MZT1: variants seen among roughly 807,000 people sequenced by gnomAD.
The protein encoded by MZT1 is mitotic-spindle organizing protein 1.
A neutral mutation model predicts 8.5 loss-of-function variants in MZT1; 8 were observed. The ratio of observed to expected loss-of-function variants is 0.94; its 90% CI spans 0.55 to 1.70. MZT1 has a LOEUF of 1.70. MZT1 is among the 40% of genes most tolerant of loss of function. The pLI is 0.00. For missense variants in MZT1, 93 were observed against 108.6 expected, an observed-to-expected ratio of 0.86 and a Z score of 0.64; for synonymous variants, 38 against 42.0, an observed-to-expected ratio of 0.90 and a Z score of 0.37.
rs1161896938 is a variant in MZT1 at position 72,710,136 on chromosome 13, T to A, written c.*186A>T. 1 of 602,452 alleles carries A rather than the reference T, an allele frequency of 1.7e-6. No individual in the cohort carries two copies. The highest frequency in any genetic ancestry group is 3.2e-5 in the Admixed American group (1 of 31,552). The allele number at this position is 602,452 out of a possible 1,614,324, so 37.3% of individuals were successfully genotyped here. On this transcript the variant is annotated 3_prime_UTR_variant, in exon 3 of 3. Coordinates refer to ENST00000377818, the MANE Select transcript of MZT1 (RefSeq NM_001071775.3). ...GTGAATAAGATGTGATGTAAACACA[T>A]CTGATAGTTCTCTCTGTAAGCCACT...
intron 1 of MZT1, among the ~76,000 whole-genome samples, chr13:72,726,744 G>GAAAAA (rs35019188): frequency 1.5e-5 from 2 of 132,136 alleles, no homozygotes; most frequent in Non-Finnish European, 3.1e-5. Flanking sequence ...TTATTTTACA[G>GAAAAA]AAAAAAAAAA....
chr13:72,716,500 T>C (rs2032536488), intron 2 of MZT1, among the ~76,000 whole-genome samples: 1 of 152,160 alleles, frequency 6.6e-6, no homozygotes, highest in Admixed American at 6.5e-5. Flanking sequence ...GAAAATAATC[T>C]GAAAGATATG....
chr13:72,714,157 T>C (rs769066211), intron 2 of MZT1, among the ~76,000 whole-genome samples: 1 of 152,104 alleles, frequency 6.6e-6, no homozygotes, highest in Non-Finnish European at 1.5e-5. Context: ...CATGTTATGC[T>C]TTAGCAAAAA....
chr13:72,710,221 A>G lies in MZT1; in HGVS notation c.*101T>C. On this transcript the variant is annotated 3_prime_UTR_variant, in exon 3 of 3. Transcript: ENST00000377818. ...CTTTTAAAAAGTAAAATTTTTCTAC[A>G]CTGCTGCATGCAGTAATTTCATTGT... The G allele has an allele frequency of 8.1e-7, 1 of 1,238,166 alleles. No individual in the cohort carries two copies. The highest frequency in any genetic ancestry group is 1.3e-5 in the South Asian group (1 of 76,454). 76.7% of individuals were successfully genotyped at this position (1,238,166 alleles called of 1,614,324 possible).
chr13:72,716,474 G>A (rs1485083204), intron 2 of MZT1, among the ~76,000 whole-genome samples: 19 of 152,086 alleles, frequency 1.2e-4, no homozygotes, highest in Admixed American at 1.0e-3. Context: ...CAAACCTAAA[G>A]AATAAGAACT....
chr13:72,708,478 T>C lies in MZT1; in HGVS notation c.*1844A>G, dbSNP rs1384577910. ...ACTTAAGTATGCATTAAAAATATGT[T>C]TACATTTTAAAAATGTGACACTTTA... On this transcript the variant is annotated 3_prime_UTR_variant, in exon 3 of 3. Coordinates refer to ENST00000377818, the MANE Select transcript of MZT1 (RefSeq NM_001071775.3). 6.6e-6 allele frequency: 1 copy of C among 152,626 alleles called. No homozygotes were observed. The highest frequency in any genetic ancestry group is 2.4e-5 in the African/African-American group (1 of 41,460). 9.5% of individuals were successfully genotyped at this position (152,626 alleles called of 1,614,324 possible).
chr13:72,708,427 T>C lies in MZT1; in HGVS notation c.*1895A>G, dbSNP rs1308958791. The C allele has an allele frequency of 1.3e-5, 2 of 152,642 alleles. No homozygotes were observed. The highest frequency in any genetic ancestry group is 1.9e-4 in the East Asian group (1 of 5,202). The allele number at this position is 152,642 out of a possible 1,614,324, so 9.5% of individuals were successfully genotyped here. A position where few individuals can be genotyped will look rare whatever the true frequency, so the allele number is the denominator to read the frequency against. On this transcript the variant is annotated 3_prime_UTR_variant, in exon 3 of 3. Coordinates refer to ENST00000377818, the MANE Select transcript of MZT1 (RefSeq NM_001071775.3). ...CAAGCACAACACTGCAATTGTATCA[T>C]TATTTTGTTTAGTTTCTTAAATATT...
chr13:72,720,402 C>G (rs1305731091), intron 1 of MZT1, among the ~76,000 whole-genome samples: 1 of 152,130 alleles, frequency 6.6e-6, no homozygotes. Context: ...ATTCTAAAAA[C>G]AAATTCCAAC....
intron 2 of MZT1, among the ~76,000 whole-genome samples, chr13:72,714,232 G>A (rs1330919911): frequency 6.6e-6 from 1 of 152,196 alleles, no homozygotes; most frequent in Non-Finnish European, 1.5e-5. Context: ...GTGATTTAGG[G>A]TATCTGGTGG....
chr13:72,720,375 C>T (rs1044540878), intron 1 of MZT1, among the ~76,000 whole-genome samples: 8 of 152,172 alleles, frequency 5.3e-5, no homozygotes, highest in Admixed American at 2.6e-4. Context: ...TTCGGATGAA[C>T]TGAACATTTT....
At chr13:72,717,429 T>C (rs1346427543) in intron 2 of MZT1, among the ~76,000 whole-genome samples, 2 of 150,914 alleles carry the variant, frequency 1.3e-5, no homozygotes, top group Non-Finnish European at 2.9e-5. Flanking sequence ...AACCTCTGCC[T>C]CCTGGGTTCA....
intron 1 of MZT1, among the ~76,000 whole-genome samples, chr13:72,722,192 C>A (rs1022950406): frequency 6.6e-6 from 1 of 152,200 alleles, no homozygotes; most frequent in African/African-American, 2.4e-5. Context: ...TAGAGCCAGA[C>A]TACCTGTGTT....
At chr13:72,713,263 T>C (rs1383406303) in intron 2 of MZT1, among the ~76,000 whole-genome samples, 1 of 152,212 alleles carries the variant, frequency 6.6e-6, no homozygotes, top group Non-Finnish European at 1.5e-5. Context: ...ATAGGATAAG[T>C]ATCCCTTGTC....
At chr13:72,718,580 C>T (rs1239186401) in intron 2 of MZT1, among the ~76,000 whole-genome samples, 1 of 152,078 alleles carries the variant, frequency 6.6e-6, no homozygotes, top group East Asian at 1.9e-4. Flanking sequence ...TGGGTTCACG[C>T]CATTCTCCTG....
Position 72,710,193 on chromosome 13 carries a change from A to T in MZT1, c.*129T>A. ...TGATTTATAAAGCTATGGTTTTATA[A>T]TTCTTTTAAAAAGTAAAATTTTTCT... On this transcript the variant is annotated 3_prime_UTR_variant, in exon 3 of 3. Coordinates refer to ENST00000377818, the MANE Select transcript of MZT1 (RefSeq NM_001071775.3). 1.2e-6 allele frequency: 1 copy of T among 842,924 alleles called. No individual in the cohort carries two copies. The allele number at this position is 842,924 out of a possible 1,614,324, so 52.2% of individuals were successfully genotyped here. A position where few individuals can be genotyped will look rare whatever the true frequency, so the allele number is the denominator to read the frequency against.
intron 1 of MZT1, among the ~76,000 whole-genome samples, chr13:72,720,095 G>C (rs2138014647): frequency 6.6e-6 from 1 of 152,230 alleles, no homozygotes; most frequent in East Asian, 1.9e-4. Flanking sequence ...CCCCCCATAA[G>C]TATTTATCTC....
intron 2 of MZT1, among the ~76,000 whole-genome samples, chr13:72,713,654 C>T (rs1180374486): frequency 6.6e-6 from 1 of 152,192 alleles, no homozygotes; most frequent in Non-Finnish European, 1.5e-5. Flanking sequence ...TTTTGATCCA[C>T]AGCTGGTTGA....
chr13:72,722,176 G>A (rs2032598650), intron 1 of MZT1, among the ~76,000 whole-genome samples: 1 of 152,182 alleles, frequency 6.6e-6, no homozygotes, highest in Non-Finnish European at 1.5e-5. Flanking sequence ...TTAGGAGTGT[G>A]ATCTCTAGAG....
At position 72,710,071 on chromosome 13, in the gene MZT1, T is replaced by C; in HGVS notation, c.*251A>G. 2 of 483,928 alleles carry C rather than the reference T, an allele frequency of 4.1e-6. No homozygotes were observed. The highest frequency in any genetic ancestry group is 3.8e-5 in the Admixed American group (1 of 26,188). The allele number at this position is 483,928 out of a possible 1,614,324, so 30.0% of individuals were successfully genotyped here. A position where few individuals can be genotyped will look rare whatever the true frequency, so the allele number is the denominator to read the frequency against. On this transcript the variant is annotated 3_prime_UTR_variant, in exon 3 of 3. Transcript: ENST00000377818. ...GCTATAAATAAGGAATACATAAATA[T>C]GAACATAGCAATGCCAAAGCATTAG...
Sources: gnomAD v4.1 joint callset for allele counts (sites outside exome capture counted in the v4.1 genomes callset) on GRCh38, gnomAD v4.1.1 for gene constraint, MANE v1.5 for transcripts, NCBI Gene and HGNC (gene_info 2026-07-23, HGNC 2026-07-21) for gene names.